The following FYN variants were observed in gnomAD, a reference collection of about 807,000 sequenced individuals.
FYN encodes the protein tyrosine-protein kinase Fyn.
In FYN, 10 loss-of-function variants were observed where a neutral mutation model predicts 70.2. The observed-to-expected ratio is 0.14, with a 90% CI of 0.09 to 0.24. The LOEUF is 0.24. Among genes scored for constraint, FYN ranks in the 10% least tolerant of loss-of-function variants. The pLI is 1.00. For missense variants in FYN, 319 were observed against 673.1 expected (o/e 0.47, Z 5.82); for synonymous variants, 236 against 248.6 (o/e 0.95, Z 0.48).
At chr6:111,772,052 C>T (rs1399701622) in intron 3 of FYN, among the ~76,000 whole-genome samples, 1 of 152,122 alleles carries the variant, frequency 6.6e-6, no homozygotes, top group East Asian at 1.9e-4. Flanking sequence ...GTCTGGGTGA[C>T]CTTGGGCAAG....
At position 111,775,205 on chromosome 6, in the gene FYN, C is replaced by T. The variant is rs577749100; in HGVS notation, c.-12+5361G>A. 3.9e-5 allele frequency among the ~76,000 whole-genome samples: 6 copies of T among 152,264 alleles called. No homozygotes were observed. In the South Asian group the frequency reaches 8.3e-4, roughly 21 times the overall value. On this transcript the variant is annotated intron_variant, in intron 3 of 13. Transcript: ENST00000354650. ...GACAGCTACTTGTTCTGAAAATGTT[C>T]CCCTTAATAAGTGGGAAATTTTGGT...
chr6:111,828,283 T>A (rs9487727), intron 2 of FYN, among the ~76,000 whole-genome samples: 23,399 of 152,222 alleles, frequency 0.15, 2,647 homozygotes, highest in African/African-American at 0.33. Context: ...AAAGGTGTGA[T>A]GTGGAAAAAG....
At chr6:111,750,959 T>C (rs1354027395) in intron 3 of FYN, among the ~76,000 whole-genome samples, 3 of 152,160 alleles carry the variant, frequency 2.0e-5, no homozygotes, top group Non-Finnish European at 2.9e-5. Flanking sequence ...GGGTCTATTG[T>C]GCAAAATAAG....
chr6:111,695,568 G>A (rs560040148), intron 10 of FYN, among the ~76,000 whole-genome samples: 7 of 152,142 alleles, frequency 4.6e-5, no homozygotes, highest in South Asian at 2.1e-4. Flanking sequence ...AGGACAAACC[G>A]TTTGCCAGAA....
intron 12 of FYN, among the ~76,000 whole-genome samples, chr6:111,687,153 A>G (rs1191391563): frequency 1.3e-5 from 2 of 152,254 alleles, no homozygotes; most frequent in African/African-American, 4.8e-5. Flanking sequence ...TTTTCTATGA[A>G]AGAATGTGTT....
chr6:111,844,108 C>T (rs1773448187), intron 2 of FYN, among the ~76,000 whole-genome samples: 1 of 152,172 alleles, frequency 6.6e-6, no homozygotes. Flanking sequence ...TCATAGCTCC[C>T]TCACAGGACT....
At chr6:111,854,521 G>A (rs992954703) in intron 1 of FYN, among the ~76,000 whole-genome samples, 7 of 152,144 alleles carry the variant, frequency 4.6e-5, no homozygotes, top group Non-Finnish European at 1.0e-4. Context: ...GCAGTCAGAA[G>A]GGTTAATGGA....
In FYN at chr6:111,830,245, G is replaced by A. The variant is rs927753132; in HGVS notation, c.-82+16344C>T. 2.0e-5 allele frequency among the ~76,000 whole-genome samples: 3 copies of A among 152,124 alleles called. No homozygotes were observed. In the East Asian group the frequency reaches 5.8e-4, roughly 29 times the overall value. On this transcript the variant is annotated intron_variant, in intron 2 of 13. Coordinates refer to ENST00000354650, the MANE Select transcript of FYN (RefSeq NM_002037.5). ...GTTGACAGACTAATGATCTTACAGG[G>A]GCAGAGTGTCAGCAGTACAGGAAGA...
intron 4 of FYN, 30 bp downstream of exon 4, chr6:111,719,775 T>A: frequency 6.2e-7 from 1 of 1,609,446 alleles, no homozygotes; most frequent in South Asian, 1.1e-5. Context: ...GGCTGCCCCC[T>A]CTCTGCACTC....
chr6:111,697,509 A>G (rs1799625724), intron 9 of FYN, among the ~76,000 whole-genome samples: 1 of 152,236 alleles, frequency 6.6e-6, no homozygotes, highest in Non-Finnish European at 1.5e-5. Flanking sequence ...TGTTAAAGAC[A>G]TGGTTCATAC....
At chr6:111,672,182 C>T (rs759705158) in intron 13 of FYN, among the ~76,000 whole-genome samples, 8 of 152,208 alleles carry the variant, frequency 5.3e-5, no homozygotes, top group East Asian at 1.9e-4. Context: ...GAACTGTCCT[C>T]CCAGGCCTAT....
intron 12 of FYN, among the ~76,000 whole-genome samples, chr6:111,677,934 T>C (rs1375789571): frequency 6.6e-6 from 1 of 152,196 alleles, no homozygotes; most frequent in Non-Finnish European, 1.5e-5. Flanking sequence ...GAGCAAACTA[T>C]GCAGGTAATG....
intron 1 of FYN, among the ~76,000 whole-genome samples, chr6:111,857,973 G>A (rs1465232627): frequency 6.6e-6 from 1 of 152,120 alleles, no homozygotes; most frequent in Non-Finnish European, 1.5e-5. Flanking sequence ...ACCTCACTGG[G>A]GCTCAGTAGT....
chr6:111,707,747 A>C (rs545502276), intron 6 of FYN, among the ~76,000 whole-genome samples, 175 bp downstream of exon 6: 1 of 152,230 alleles, frequency 6.6e-6, no homozygotes, highest in Non-Finnish European at 1.5e-5. Flanking sequence ...AGAAACATTA[A>C]GTTAATAATA....
intron 5 of FYN, among the ~76,000 whole-genome samples, chr6:111,713,753 T>C (rs1296798480): frequency 6.6e-6 from 1 of 152,232 alleles, no homozygotes; most frequent in Non-Finnish European, 1.5e-5. Flanking sequence ...TTGTTCCTCC[T>C]GGCCAACATT....
At chr6:111,729,983 G>T (rs1174846665) in intron 3 of FYN, among the ~76,000 whole-genome samples, 1 of 152,110 alleles carries the variant, frequency 6.6e-6, no homozygotes, top group Non-Finnish European at 1.5e-5. Flanking sequence ...GATTGAATTT[G>T]TATGTAAGTT....
chr6:111,805,241 C>T (rs1772111008), intron 2 of FYN, among the ~76,000 whole-genome samples: 1 of 152,174 alleles, frequency 6.6e-6, no homozygotes, highest in African/African-American at 2.4e-5. Context: ...TTGGCATTCC[C>T]ATCACTAAAG....
intron 2 of FYN, among the ~76,000 whole-genome samples, chr6:111,803,599 T>A (rs1772056712): frequency 6.6e-6 from 1 of 152,098 alleles, no homozygotes; most frequent in African/African-American, 2.4e-5. Context: ...AGTAATCCAC[T>A]TCATAGTGTT....
intron 1 of FYN, among the ~76,000 whole-genome samples, chr6:111,864,329 C>T (rs1409190838): frequency 6.6e-6 from 1 of 152,230 alleles, no homozygotes; most frequent in Non-Finnish European, 1.5e-5. Context: ...CTGTCACTTA[C>T]TCTGTGACGC....
Sources: allele counts gnomAD v4.1 joint callset (sites outside exome capture counted in the v4.1 genomes callset), GRCh38; gene constraint gnomAD v4.1.1; transcripts MANE v1.5; gene names NCBI Gene and HGNC (gene_info 2026-07-23, HGNC 2026-07-21).